Variants in TLN2 observed in about 807,000 individuals in gnomAD.
TLN2 encodes talin-2.
TLN2 carries 118 observed loss-of-function variants against 294.7 expected under a neutral mutation model. The ratio of observed to expected loss-of-function variants is 0.40; its 90% confidence interval spans 0.34 to 0.47. The LOEUF (loss-of-function observed/expected upper bound fraction) is 0.47. TLN2 is among the 20% of genes least tolerant of loss of function. TLN2 has a pLI of 0.84. For synonymous variants in TLN2, 1,431 were observed against 1,304.5 expected (o/e 1.10, Z -2.09); for missense variants, 3,083 against 3,282.2 (o/e 0.94, Z 1.48).
intron 1 of TLN2, among the ~76,000 whole-genome samples, chr15:62,588,142 AGTGCTGGGATTACAGGC>A: frequency 6.6e-6 from 1 of 152,186 alleles, no homozygotes; most frequent in Admixed American, 6.5e-5. Context: ...CGCCTCCCAA[AGTGCTGGGATTACAGGC>A]GTGAGCCACC....
chr15:62,552,420 T>C (rs548917243), intron 1 of TLN2, among the ~76,000 whole-genome samples: 2 of 152,320 alleles, frequency 1.3e-5, no homozygotes, highest in African/African-American at 4.8e-5. Context: ...TTATGAAGCA[T>C]GAAAAATTTG....
chr15:62,755,396 G>A (rs1274537442), intron 36 of TLN2, 136 bp from the exon 37 acceptor site: 1 of 1,071,310 alleles, frequency 9.3e-7, no homozygotes, highest in African/African-American at 1.6e-5. Context: ...GACTTTGAGG[G>A]TCGCAGAACT....
At chr15:62,559,894 G>C (rs1057027692) in intron 1 of TLN2, among the ~76,000 whole-genome samples, 1 of 152,184 alleles carries the variant, frequency 6.6e-6, no homozygotes, top group Non-Finnish European at 1.5e-5. Context: ...GTAACCTTCT[G>C]TGGCTGTCCT....
rs537376511 is a variant in TLN2, at chr15:62,815,974, C to T, written c.6772-3542C>T. ...CATGGGCCCCTTTGAGCTAAAAGCC[C>T]GGGGTCATTTCTTGCCTTCTGCAAC... On this transcript the variant is annotated intron_variant, in intron 52 of 58. Coordinates refer to ENST00000636159, the MANE Select transcript of TLN2 (RefSeq NM_015059.3). Among the ~76,000 whole-genome samples the T allele has an allele frequency of 8.5e-5, 13 of 152,216 alleles. No individual in the cohort carries two copies. The East Asian group carries it at 1.5e-3, about 18-fold the overall frequency.
In TLN2 at chr15:62,755,612, C is replaced by G; in HGVS notation, c.4557C>G (p.Ala1519=). The G allele has an allele frequency of 6.2e-7, 1 of 1,614,212 alleles. No homozygotes were observed. The highest frequency in any genetic ancestry group is 2.2e-5 in the East Asian group (1 of 44,886). The part of the protein sequence containing the change: ...NACRIASSKT[A]NPVAKRHFVQ... ...GCCGCATCGCCTCATCCAAGACGGC[C>G]AACCCAGTAGCCAAGAGGCACTTCG... is the stretch of plus-strand genomic sequence containing the variant. The change falls in exon 37 of 59, where the codon GCC becomes GCG. Residue 1519 remains alanine (A), a synonymous_variant. Coordinates refer to ENST00000636159, the MANE Select transcript of TLN2 (RefSeq NM_015059.3).
At chr15:62,436,204 T>G (rs2035278398) in intron 1 of TLN2, among the ~76,000 whole-genome samples, 1 of 152,234 alleles carries the variant, frequency 6.6e-6, no homozygotes, top group Non-Finnish European at 1.5e-5. Flanking sequence ...ATTAGTTCAT[T>G]GATTCCACGT....
chr15:62,442,387 G>A (rs2035590436), intron 1 of TLN2, among the ~76,000 whole-genome samples: 1 of 151,436 alleles, frequency 6.6e-6, no homozygotes, highest in African/African-American at 2.4e-5. Flanking sequence ...CCAGCTACTC[G>A]GGAGGCTGAG....
Position 62,497,310 on chromosome 15 carries a change from AG to A in TLN2, c.-237-92376del, listed in dbSNP as rs368171967. Among the ~76,000 whole-genome samples the A allele has an allele frequency of 4.1e-3, 617 of 152,302 alleles. 9 individuals are homozygous for A. The highest frequency in any genetic ancestry group is 0.038 in the South Asian group (184 of 4,830). On this transcript the variant is annotated intron_variant, in intron 1 of 58. Coordinates refer to ENST00000636159, the MANE Select transcript of TLN2 (RefSeq NM_015059.3). ...CAAAATATCTGGGGCAGCATGTGAG[AG>A]TCTCTTCATTTTCTATTGGAAATTG...
At chr15:62,614,031 G>T (rs776657515) in intron 2 of TLN2, among the ~76,000 whole-genome samples, 1 of 152,176 alleles carries the variant, frequency 6.6e-6, no homozygotes, top group Non-Finnish European at 1.5e-5. Context: ...GCTAATGGCT[G>T]TGTTCATCAT....
chr15:62,620,502 CTTTT>C (rs137871004), intron 3 of TLN2, among the ~76,000 whole-genome samples: 1 of 136,714 alleles, frequency 7.3e-6, no homozygotes, highest in Non-Finnish European at 1.6e-5. Flanking sequence ...TTCTTTCTTT[CTTTT>C]TTTTTTCTGT....
intron 2 of TLN2, among the ~76,000 whole-genome samples, chr15:62,601,309 T>C (rs2046982931): frequency 6.6e-6 from 1 of 152,184 alleles, no homozygotes; most frequent in South Asian, 2.1e-4. Flanking sequence ...TGACCCAAAA[T>C]GTCAATTGTG....
chr15:62,776,726 C>A, intron 42 of TLN2, 38 bp from the exon 43 acceptor site: 1 of 1,445,470 alleles, frequency 6.9e-7, no homozygotes, highest in Non-Finnish European at 9.2e-7. Context: ...GCACCGCTCT[C>A]TTCTGCTTAA....
chr15:62,435,196 TTGCTATTGTGAATAG>T (rs1479761984), intron 1 of TLN2, among the ~76,000 whole-genome samples: 48 of 152,340 alleles, frequency 3.2e-4, no homozygotes, highest in Middle Eastern at 3.4e-3. Flanking sequence ...TTCCGTGTCT[TTGCTATTGTGAATAG>T]TGCTGCAGTG....
At chr15:62,701,021 C>G (rs2058686055) in intron 16 of TLN2, 85 bp from the exon 17 acceptor site, 2 of 1,189,338 alleles carry the variant, frequency 1.7e-6, no homozygotes, top group Non-Finnish European at 2.5e-6. Context: ...AGCCAAAATG[C>G]TGGTGTGATT....
intron 45 of TLN2, among the ~76,000 whole-genome samples, chr15:62,791,703 G>A (rs2065087744): frequency 6.6e-6 from 1 of 152,190 alleles, no homozygotes; most frequent in Admixed American, 6.5e-5. Context: ...TCTAGCTCTT[G>A]TAGATTCTTG....
At chr15:62,728,520 C>T (rs541700504) in intron 28 of TLN2, among the ~76,000 whole-genome samples, 96 of 152,278 alleles carry the variant, frequency 6.3e-4, no homozygotes, top group African/African-American at 2.3e-3. Context: ...ACATTTCTTT[C>T]AGCAGTGTAT....
intron 1 of TLN2, among the ~76,000 whole-genome samples, chr15:62,553,936 TC>T (rs1408481078): frequency 6.6e-6 from 1 of 151,476 alleles, no homozygotes; most frequent in Non-Finnish European, 1.5e-5. Context: ...TTTAATCTAA[TC>T]TTTTTTTTTT....
At chr15:62,702,676 C>T in intron 18 of TLN2, 90 bp from the exon 19 acceptor site, 1 of 1,326,364 alleles carries the variant, frequency 7.5e-7, no homozygotes, top group South Asian at 1.2e-5. Flanking sequence ...GGAGCAAATT[C>T]TGTGAGATTC....
At chr15:62,770,759 G>C (rs910886685) in intron 41 of TLN2, among the ~76,000 whole-genome samples, 1 of 152,124 alleles carries the variant, frequency 6.6e-6, no homozygotes, top group Non-Finnish European at 1.5e-5. Flanking sequence ...CATATTTAGA[G>C]AGATGAAGAA....
Sources: allele counts gnomAD v4.1 joint callset (sites outside exome capture counted in the v4.1 genomes callset), GRCh38; gene constraint gnomAD v4.1.1; transcripts MANE v1.5; gene names NCBI Gene and HGNC (gene_info 2026-07-23, HGNC 2026-07-21).